The following YPEL1 variants were observed in gnomAD, a reference collection of about 807,000 sequenced individuals.
YPEL1 encodes the protein protein yippee-like 1.
A neutral mutation model predicts 17.3 loss-of-function variants in YPEL1; 7 were observed. The observed-to-expected ratio is 0.40, with a 90% CI of 0.23 to 0.76. The LOEUF is 0.76. YPEL1 is among the 30% of genes least tolerant of loss of function. The pLI, the probability that YPEL1 is intolerant of heterozygous loss-of-function variation, is 0.35. For synonymous variants in YPEL1, 59 were observed against 59.6 expected, an observed-to-expected ratio of 0.99 and a Z score of 0.05; for missense variants, 91 against 155.5, an observed-to-expected ratio of 0.59 and a Z score of 2.21.
At chr22:21,727,407 A>G (rs1388024286) in intron 1 of YPEL1, among the ~76,000 whole-genome samples, 1 of 152,228 alleles carries the variant, frequency 6.6e-6, no homozygotes, top group African/African-American at 2.4e-5. Flanking sequence ...GAAGTAAGTA[A>G]CTGAAAGGAA....
At chr22:21,707,120 T>A (rs992976521) in intron 2 of YPEL1, among the ~76,000 whole-genome samples, 11 of 152,076 alleles carry the variant, frequency 7.2e-5, no homozygotes, top group South Asian at 2.1e-4. Flanking sequence ...TTATATAATT[T>A]AAAAAAAATT....
chr22:21,722,659 TTTTG>T (rs961222468), intron 1 of YPEL1, among the ~76,000 whole-genome samples: 57 of 149,284 alleles, frequency 3.8e-4, no homozygotes, highest in African/African-American at 1.4e-3. Context: ...TTGCCAAGGG[TTTTG>T]TTTATTTTGA....
intron 1 of YPEL1, among the ~76,000 whole-genome samples, chr22:21,720,362 G>A (rs755771284): frequency 2.0e-4 from 30 of 151,530 alleles, no homozygotes; most frequent in Non-Finnish European, 4.4e-4. Flanking sequence ...ATGCCACCAC[G>A]CCTGGCTAAT....
At chr22:21,701,713 C>G (rs1239221764) in intron 4 of YPEL1, among the ~76,000 whole-genome samples, 1 of 152,182 alleles carries the variant, frequency 6.6e-6, no homozygotes, top group African/African-American at 2.4e-5. Context: ...TCCAGGAATT[C>G]CGTGCATAAC....
intron 1 of YPEL1, among the ~76,000 whole-genome samples, chr22:21,722,262 C>A: frequency 6.6e-6 from 1 of 152,038 alleles, no homozygotes; most frequent in Admixed American, 6.6e-5. Context: ...ACTAAAAATA[C>A]AAAATTAGCC....
chr22:21,724,787 C>T (rs754985122), intron 1 of YPEL1, among the ~76,000 whole-genome samples: 62 of 151,860 alleles, frequency 4.1e-4, no homozygotes, highest in Non-Finnish European at 7.4e-4. Context: ...CACTATGTTG[C>T]CCAGACTGGT....
At chr22:21,724,681 A>G (rs2068316413) in intron 1 of YPEL1, among the ~76,000 whole-genome samples, 1 of 150,588 alleles carries the variant, frequency 6.6e-6, no homozygotes, top group South Asian at 2.1e-4. Context: ...TCCGGGTTCA[A>G]GTGATTCTTG....
chr22:21,702,271 G>A (rs1340774450), intron 4 of YPEL1, among the ~76,000 whole-genome samples: 3 of 152,220 alleles, frequency 2.0e-5, no homozygotes, highest in Non-Finnish European at 2.9e-5. Flanking sequence ...GGCCATGCAG[G>A]GAAGGCACGG....
intron 2 of YPEL1, among the ~76,000 whole-genome samples, chr22:21,705,225 T>G (rs1046876884): frequency 3.3e-5 from 5 of 152,202 alleles, no homozygotes; most frequent in African/African-American, 1.2e-4. Flanking sequence ...GTAATCTGCC[T>G]GCTTCGGCCT....
chr22:21,722,397 C>T lies in YPEL1; in HGVS notation c.-164-11489G>A, dbSNP rs544979538. Reference sequence around the variant, plus strand: ...CGCCACTGCACTCCAGCCTGGGCAACAGAGTGAGACTCGTTCTCAAAAAAA... The same window carrying T: ...CGCCACTGCACTCCAGCCTGGGCAATAGAGTGAGACTCGTTCTCAAAAAAA... On this transcript the variant is annotated intron_variant, in intron 1 of 4. Coordinates refer to ENST00000339468, the MANE Select transcript of YPEL1 (RefSeq NM_013313.5). 2.0e-5 allele frequency among the ~76,000 whole-genome samples: 3 copies of T among 152,274 alleles called. No homozygotes were observed. The South Asian group carries it at 6.2e-4, about 32-fold the overall frequency.
intron 1 of YPEL1, among the ~76,000 whole-genome samples, chr22:21,724,572 C>CTTT (rs111485924): frequency 7.4e-6 from 1 of 134,582 alleles, no homozygotes. Flanking sequence ...AAATTTTTTT[C>CTTT]TTTTTTTTTT....
intron 1 of YPEL1, among the ~76,000 whole-genome samples, chr22:21,718,642 A>C (rs772830071): frequency 6.6e-6 from 1 of 152,140 alleles, no homozygotes; most frequent in African/African-American, 2.4e-5. Flanking sequence ...TGGACCAAGC[A>C]CATCTGCAGG....
rs2068045219 is a variant in YPEL1, at chr22:21,699,708, G to A, written c.*1421C>T. ...TCAAGTTTTGAAGTTTTTCCTGTGG[G>A]TTCTGGCCTCTTTCATATGCAAAAA... On this transcript the variant is annotated 3_prime_UTR_variant, in exon 5 of 5. Coordinates refer to ENST00000339468, the MANE Select transcript of YPEL1 (RefSeq NM_013313.5). The A allele has an allele frequency of 6.5e-6, 1 of 152,746 alleles. No individual in the cohort carries two copies. Among genetic ancestry groups the A allele is most frequent in the Non-Finnish European group, 1.5e-5 (1 of 68,046 alleles). The allele number at this position is 152,746 out of a possible 1,614,324, so 9.5% of individuals were successfully genotyped here. A position where few individuals can be genotyped will look rare whatever the true frequency, so the allele number is the denominator to read the frequency against.
At chr22:21,712,480 A>T (rs569052750) in intron 1 of YPEL1, among the ~76,000 whole-genome samples, 142 of 137,428 alleles carry the variant, frequency 1.0e-3, no homozygotes, top group Middle Eastern at 3.6e-3. Context: ...TAATCCCAGC[A>T]TTATGGGAGG....
rs771054187 is a variant in YPEL1, at chr22:21,698,139, T to G, written c.*2990A>C. The G allele has an allele frequency of 6.6e-6, 1 of 152,058 alleles. No individual in the cohort carries two copies. The highest frequency in any genetic ancestry group is 1.5e-5 in the Non-Finnish European group (1 of 67,984). The allele number at this position is 152,058 out of a possible 1,614,324, so 9.4% of individuals were successfully genotyped here. A position where few individuals can be genotyped will look rare whatever the true frequency, so the allele number is the denominator to read the frequency against. On this transcript the variant is annotated 3_prime_UTR_variant, in exon 5 of 5. Transcript: ENST00000339468. ...GAATTTAAGAGGGTGGTGGATATGGTCCTGTGAATAGCACTTCCCCTGAAG... is the reference window on the plus strand; with the variant it reads ...GAATTTAAGAGGGTGGTGGATATGGGCCTGTGAATAGCACTTCCCCTGAAG...
chr22:21,715,471 A>G (rs1340219241), intron 1 of YPEL1, among the ~76,000 whole-genome samples: 1 of 151,804 alleles, frequency 6.6e-6, no homozygotes, highest in Non-Finnish European at 1.5e-5. Context: ...TCCAGCCTGG[A>G]GACAGAGTGA....
At position 21,710,806 on chromosome 22, in the gene YPEL1, C is replaced by T. The variant is rs377635122; in HGVS notation, c.-62G>A. 2.5e-5 allele frequency: 36 copies of T among 1,451,206 alleles called. No homozygotes were observed. The highest frequency in any genetic ancestry group is 1.6e-4 in the East Asian group (7 of 44,082). 89.9% of individuals were successfully genotyped at this position (1,451,206 alleles called of 1,614,324 possible). ...TCTGGAAGAACCGTGGCTCTGCTGG[C>T]CTCTCTGACAAAAGCAACACTGGAA... On this transcript the variant is annotated 5_prime_UTR_variant, in exon 2 of 5. Coordinates refer to ENST00000339468, the MANE Select transcript of YPEL1 (RefSeq NM_013313.5).
At chr22:21,720,503 G>A (rs1266241553) in intron 1 of YPEL1, among the ~76,000 whole-genome samples, 6 of 150,966 alleles carry the variant, frequency 4.0e-5, no homozygotes, top group African/African-American at 1.2e-4. Flanking sequence ...ACCTGACTGC[G>A]ATTTTTTGAG....
chr22:21,714,322 G>C lies in YPEL1; in HGVS notation c.-164-3414C>G, dbSNP rs373985418. Among the ~76,000 whole-genome samples, 7 of 152,342 alleles carry C rather than the reference G, an allele frequency of 4.6e-5. No individual in the cohort carries two copies. In the South Asian group the frequency reaches 1.4e-3, roughly 32 times the overall value. ...GCCCTTCCTTGGTGCCCCGGCCTGA[G>C]ATGCTGCCTAACTTGGACTTGGTGC... is the stretch of plus-strand genomic sequence containing the variant. On this transcript the variant is annotated intron_variant, in intron 1 of 4. Coordinates refer to ENST00000339468, the MANE Select transcript of YPEL1 (RefSeq NM_013313.5).
Sources: gnomAD v4.1 joint callset for allele counts (sites outside exome capture counted in the v4.1 genomes callset) on GRCh38, gnomAD v4.1.1 for gene constraint, MANE v1.5 for transcripts, NCBI Gene and HGNC (gene_info 2026-07-23, HGNC 2026-07-21) for gene names.